OTOGL: variants seen among roughly 807,000 people sequenced by gnomAD.
OTOGL encodes the protein otogelin like.
A neutral mutation model predicts 318.5 loss-of-function variants in OTOGL; 285 were observed. That is an observed-to-expected ratio of 0.89 (90% CI 0.81 to 0.99). The LOEUF (loss-of-function observed/expected upper bound fraction) is 0.99, where lower values mean the gene tolerates loss of function less well. OTOGL is among the 50% of genes least tolerant of loss of function. OTOGL has a pLI of 0.00. For missense variants in OTOGL, 2,899 were observed against 2,845.6 expected (o/e 1.02, Z -0.43); for synonymous variants, 987 against 936.5 (o/e 1.05, Z -0.99).
Position 80,302,618 on chromosome 12 carries a change from C to G in OTOGL, c.3064-16C>G, listed in dbSNP as rs1362733851. On this transcript the variant is annotated splice_polypyrimidine_tract_variant and intron_variant, in intron 27 of 58. Transcript: ENST00000547103. ...ACTTACTACTCACTTTGTTTATTTT[C>G]TTTTTTGTTTTTAAGAAACAATCAG... is the stretch of plus-strand genomic sequence containing the variant. 5.3e-6 allele frequency: 7 copies of G among 1,321,850 alleles called. No homozygotes were observed. The highest frequency in any genetic ancestry group is 1.5e-5 in the African/African-American group (1 of 66,178). 81.9% of individuals were successfully genotyped at this position (1,321,850 alleles called of 1,614,324 possible).
chr12:80,108,905 T>G (rs906727122), intron 1 of OTOGL, among the ~76,000 whole-genome samples: 3 of 127,412 alleles, frequency 2.4e-5, no homozygotes. Context: ...TATATATATG[T>G]GTATATATAT....
chr12:80,310,466 A>T lies in OTOGL; in HGVS notation c.3334-145A>T, dbSNP rs540571901. On this transcript the variant is annotated intron_variant, in intron 29 of 58. Transcript: ENST00000547103. ...ATATATGCAATTAACATTGAATAGG[A>T]TGTGAGCAGGTGCTTTACGCAAATC... is the stretch of plus-strand genomic sequence containing the variant. The T allele has an allele frequency of 1.6e-4, 93 of 593,564 alleles. 1 individual carries two copies. The highest frequency in any genetic ancestry group is 1.2e-3 in the South Asian group (56 of 46,488). 36.8% of individuals were successfully genotyped at this position (593,564 alleles called of 1,614,324 possible). A position where few individuals can be genotyped will look rare whatever the true frequency, so the allele number is the denominator to read the frequency against.
rs1879162701 is a variant in OTOGL at position 80,229,379 on chromosome 12, G to C, written c.611+1G>C. On this transcript the variant is annotated splice_donor_variant, in intron 8 of 58. Transcript: ENST00000547103. LOFTEE classifies it high-confidence loss of function. ...ATGAAATAAAAAAGAATGGAATCAGGTAGGATATGGGAAACAGTGAAATGT... is the reference window on the plus strand; with the variant it reads ...ATGAAATAAAAAAGAATGGAATCAGCTAGGATATGGGAAACAGTGAAATGT... 6.3e-7 allele frequency: 1 copy of C among 1,594,202 alleles called. No homozygotes were observed. Among genetic ancestry groups the C allele is most frequent in the Non-Finnish European group, 8.5e-7 (1 of 1,175,434 alleles).
chr12:80,197,197 C>T (rs375383502), intron 1 of OTOGL, among the ~76,000 whole-genome samples: 6 of 152,236 alleles, frequency 3.9e-5, no homozygotes, highest in Admixed American at 6.5e-5. Flanking sequence ...TTCTGGACTG[C>T]ACCAATGTAT....
intron 11 of OTOGL, among the ~76,000 whole-genome samples, chr12:80,243,552 A>G (rs994943040): frequency 1.3e-5 from 2 of 151,744 alleles, no homozygotes; most frequent in African/African-American, 2.4e-5. Context: ...GGTGAATACA[A>G]TAGAATTTCC....
chr12:80,151,202 C>CA (rs1483012463), intron 1 of OTOGL, among the ~76,000 whole-genome samples: 1 of 151,702 alleles, frequency 6.6e-6, no homozygotes, highest in Non-Finnish European at 1.5e-5. Flanking sequence ...CCAACATGTA[C>CA]AAAAAGCAAC....
chr12:80,336,162 G>A lies in OTOGL; in HGVS notation c.4600+22G>A, dbSNP rs377179670. Reference sequence around the variant, plus strand: ...CCTTGTAAGTTTGCATTTCTTAAGCGGTGATCTTTTTTTTTTTTTTTTAAT... The same window carrying A: ...CCTTGTAAGTTTGCATTTCTTAAGCAGTGATCTTTTTTTTTTTTTTTTAAT... On this transcript the variant is annotated intron_variant, in intron 39 of 58. Coordinates refer to ENST00000547103, the MANE Select transcript of OTOGL (RefSeq NM_001378609.3). 1,380 of 1,529,374 alleles carry A rather than the reference G, an allele frequency of 9.0e-4. 1 individual carries two copies. Among genetic ancestry groups the A allele is most frequent in the Admixed American group, 1.3e-3 (60 of 45,442 alleles). The allele number at this position is 1,529,374 out of a possible 1,614,324, so 94.7% of individuals were successfully genotyped here.
intron 1 of OTOGL, among the ~76,000 whole-genome samples, chr12:80,183,432 C>T (rs17306452): frequency 0.25 from 38,212 of 152,056 alleles, 5,407 homozygotes; most frequent in East Asian, 0.39. Context: ...TGGATAATTA[C>T]GTCTATCACC....
chr12:80,226,736 C>T (rs1878892226), intron 7 of OTOGL, among the ~76,000 whole-genome samples: 1 of 152,056 alleles, frequency 6.6e-6, no homozygotes, highest in Non-Finnish European at 1.5e-5. Flanking sequence ...ATTGGATGCT[C>T]TGAATGTGTG....
chr12:80,256,782 T>C (rs1489271348), intron 17 of OTOGL, among the ~76,000 whole-genome samples: 4 of 152,050 alleles, frequency 2.6e-5, no homozygotes, highest in African/African-American at 7.2e-5. Flanking sequence ...CACTCAGCTC[T>C]GGAGAGGGGT....
At chr12:80,113,080 T>C (rs1869948232) in intron 1 of OTOGL, among the ~76,000 whole-genome samples, 1 of 152,230 alleles carries the variant, frequency 6.6e-6, no homozygotes, top group Admixed American at 6.5e-5. Flanking sequence ...AGTTTGTATT[T>C]CTGTGGGATC....
At chr12:80,373,465 AAACAAACT>A (rs1325471119) in intron 57 of OTOGL, among the ~76,000 whole-genome samples, 20 of 149,986 alleles carry the variant, frequency 1.3e-4, no homozygotes, top group African/African-American at 4.7e-4. Flanking sequence ...ACAAACAAAC[AAACAAACT>A]GTGGTATAGG....
At chr12:80,217,686 T>C in intron 5 of OTOGL, 22 bp downstream of exon 5, 1 of 1,462,272 alleles carries the variant, frequency 6.8e-7, no homozygotes, top group East Asian at 2.3e-5. Context: ...TACTTAGGTT[T>C]TCATATTTGC....
intron 1 of OTOGL, among the ~76,000 whole-genome samples, chr12:80,111,807 G>C (rs567516317): frequency 1.4e-4 from 22 of 152,240 alleles, no homozygotes; most frequent in African/African-American, 4.8e-4. Context: ...GCTTGATGGA[G>C]ATAACATTGA....
At chr12:80,231,217 G>C (rs1037349083) in intron 8 of OTOGL, among the ~76,000 whole-genome samples, 2 of 151,670 alleles carry the variant, frequency 1.3e-5, no homozygotes, top group African/African-American at 4.8e-5. Context: ...TAAAACAATT[G>C]GTATTTCTTT....
chr12:80,103,670 G>A (rs1869280386), intron 1 of OTOGL, among the ~76,000 whole-genome samples: 1 of 152,198 alleles, frequency 6.6e-6, no homozygotes, highest in Non-Finnish European at 1.5e-5. Flanking sequence ...CTAGCAGAGT[G>A]CCTTGCACAT....
chr12:80,233,292 C>T (rs1879545285), intron 9 of OTOGL, among the ~76,000 whole-genome samples, 195 bp downstream of exon 9: 1 of 152,156 alleles, frequency 6.6e-6, no homozygotes, highest in East Asian at 1.9e-4. Context: ...AACTAGTTTA[C>T]CTTTGCTAAA....
intron 1 of OTOGL, among the ~76,000 whole-genome samples, chr12:80,118,673 A>T (rs1472316467): frequency 6.6e-6 from 1 of 152,146 alleles, no homozygotes; most frequent in Non-Finnish European, 1.5e-5. Flanking sequence ...TTTTTTTCCT[A>T]CTAATAACAG....
chr12:80,280,035 A>G (rs894895396), intron 26 of OTOGL, among the ~76,000 whole-genome samples: 3 of 151,486 alleles, frequency 2.0e-5, no homozygotes, highest in Non-Finnish European at 2.9e-5. Flanking sequence ...TTTGATTTGC[A>G]TTTCTCTAAT....
Sources: gnomAD v4.1 joint callset for allele counts (sites outside exome capture counted in the v4.1 genomes callset) on GRCh38, gnomAD v4.1.1 for gene constraint, MANE v1.5 for transcripts, NCBI Gene and HGNC (gene_info 2026-07-23, HGNC 2026-07-21) for gene names.